The following NCOA2 variants were observed in gnomAD, a reference collection of about 807,000 sequenced individuals.
NCOA2 encodes the protein class E basic helix-loop-helix protein 75.
NCOA2 carries 21 observed loss-of-function variants against 145.1 expected under a neutral mutation model. The ratio of observed to expected loss-of-function variants is 0.14; its 90% CI spans 0.10 to 0.21. The LOEUF is 0.21. NCOA2 is among the 10% of genes least tolerant of loss of function. NCOA2 has a pLI of 1.00. For synonymous variants in NCOA2, 619 were observed against 637.5 expected, an observed-to-expected ratio of 0.97 and a Z score of 0.44; for missense variants, 1,472 against 1,837.6, an observed-to-expected ratio of 0.80 and a Z score of 3.64.
At chr8:70,345,060 T>C (rs777854418) in intron 1 of NCOA2, among the ~76,000 whole-genome samples, 1 of 152,144 alleles carries the variant, frequency 6.6e-6, no homozygotes, top group Non-Finnish European at 1.5e-5. Flanking sequence ...ATGTTAATAG[T>C]TAGGAATGAG....
At chr8:70,419,102 T>TA in the NCOA2 span, among the ~76,000 whole-genome samples, 4,036 of 132,368 alleles carry the variant, frequency 0.03, 115 homozygotes, top group African/African-American at 0.082. Context: ...TAGGATTTTA[T>TA]AAAAAAAAAA....
At chr8:70,344,077 G>A (rs780577448) in intron 1 of NCOA2, among the ~76,000 whole-genome samples, 2 of 152,144 alleles carry the variant, frequency 1.3e-5, no homozygotes, top group African/African-American at 4.8e-5. Flanking sequence ...TTAAACCCGT[G>A]TATTCTAACT....
intron 1 of NCOA2, among the ~76,000 whole-genome samples, chr8:70,313,806 C>A (rs1410843919): frequency 6.6e-6 from 1 of 152,110 alleles, no homozygotes; most frequent in Non-Finnish European, 1.5e-5. Flanking sequence ...CTCCACCATC[C>A]CCCTATTATA....
intron 11 of NCOA2, among the ~76,000 whole-genome samples, chr8:70,153,632 G>A (rs1237829216): frequency 3.3e-5 from 5 of 152,122 alleles, no homozygotes; most frequent in Admixed American, 1.3e-4. Flanking sequence ...TCAAGAGACC[G>A]GAGTGCCATT....
chr8:70,439,327 G>A, the NCOA2 span, among the ~76,000 whole-genome samples: 14 of 152,190 alleles, frequency 9.2e-5, no homozygotes, highest in South Asian at 1.0e-3. Flanking sequence ...AAAGTGTAGC[G>A]GTAGCATTCA....
At chr8:70,123,425 G>A (rs1423656036) in intron 21 of NCOA2, among the ~76,000 whole-genome samples, 1 of 152,174 alleles carries the variant, frequency 6.6e-6, no homozygotes, top group Non-Finnish European at 1.5e-5. Context: ...GGCTGAGGTG[G>A]GAGGACTGCT....
At chr8:70,428,258 A>G in the NCOA2 span, among the ~76,000 whole-genome samples, 1 of 151,792 alleles carries the variant, frequency 6.6e-6, no homozygotes, top group Non-Finnish European at 1.5e-5. Context: ...GTTTGACACC[A>G]GCCAGGAAAC....
At chr8:70,372,198 G>T (rs1811286262) in intron 1 of NCOA2, among the ~76,000 whole-genome samples, 1 of 152,044 alleles carries the variant, frequency 6.6e-6, no homozygotes, top group Non-Finnish European at 1.5e-5. Context: ...AAAATTCCAA[G>T]CAGGTTTTAA....
At chr8:70,435,805 T>C in the NCOA2 span, among the ~76,000 whole-genome samples, 1 of 152,012 alleles carries the variant, frequency 6.6e-6, no homozygotes, top group African/African-American at 2.4e-5. Context: ...GTTCACTTTG[T>C]GTTTAATAAT....
At chr8:70,398,976 T>C (rs1264369584) in intron 1 of NCOA2, among the ~76,000 whole-genome samples, 1 of 152,248 alleles carries the variant, frequency 6.6e-6, no homozygotes, top group Admixed American at 6.5e-5. Context: ...CTTCATAGTT[T>C]ATCCTTAAGA....
chr8:70,365,892 G>A lies in NCOA2; in HGVS notation c.-77+37808C>T, dbSNP rs181439325. On this transcript the variant is annotated intron_variant, in intron 1 of 22. Coordinates refer to ENST00000452400, the MANE Select transcript of NCOA2 (RefSeq NM_006540.4). ...ATTATCACCCAGCAAAACCACAGGT[G>A]CAAGAGAGCCAGGCCCTTAACAATC... Among the ~76,000 whole-genome samples, 365 of 152,294 alleles carry A rather than the reference G, an allele frequency of 2.4e-3. 2 individuals are homozygous for A. Among genetic ancestry groups the A allele is most frequent in the African/African-American group, 8.2e-3 (342 of 41,558 alleles).
rs57813061 is a variant in NCOA2 at position 70,133,200 on chromosome 8, C to CTTTTTTTTTTTTTTTTTTTTTTTTT, written c.3159-1199_3159-1198insAAAAAAAAAAAAAAAAAAAAAAAAA. 4.5e-4 allele frequency among the ~76,000 whole-genome samples: 48 copies of CTTTTTTTTTTTTTTTTTTTTTTTTT among 106,966 alleles called. 3 individuals carry two copies. The highest frequency in any genetic ancestry group is 1.9e-3 in the African/African-American group (47 of 24,854). The allele number at this position is 106,966 out of a possible 152,430, so 70.2% of individuals were successfully genotyped here. ...TGTGTGCCACCACAACTGGCTGCTA[C>CTTTTTTTTTTTTTTTTTTTTTTTTT]TTTTTTTTTTTTTTTTTTTTGGTAA... On this transcript the variant is annotated intron_variant, in intron 15 of 22. Transcript: ENST00000452400.
At chr8:70,136,239 G>A (rs947600869) in intron 15 of NCOA2, among the ~76,000 whole-genome samples, 1 of 151,944 alleles carries the variant, frequency 6.6e-6, no homozygotes, top group African/African-American at 2.4e-5. Flanking sequence ...CTGGGCACCT[G>A]TAATCCCAGC....
intron 4 of NCOA2, among the ~76,000 whole-genome samples, chr8:70,191,873 T>C (rs1449854009): frequency 6.6e-6 from 1 of 152,002 alleles, no homozygotes; most frequent in Non-Finnish European, 1.5e-5. Context: ...AAACCCCATC[T>C]CTACTAAAAA....
intron 2 of NCOA2, among the ~76,000 whole-genome samples, chr8:70,261,319 G>T (rs1824104842): frequency 6.6e-6 from 1 of 152,104 alleles, no homozygotes; most frequent in Non-Finnish European, 1.5e-5. Context: ...GATGAAATTG[G>T]AAATCATCAT....
chr8:70,339,954 G>C (rs61194854), intron 1 of NCOA2, among the ~76,000 whole-genome samples: 2,121 of 152,262 alleles, frequency 0.014, 42 homozygotes, highest in African/African-American at 0.047. Context: ...ATGGATTAAA[G>C]ACTTAAATGT....
At chr8:70,373,079 T>C (rs919317296) in intron 1 of NCOA2, among the ~76,000 whole-genome samples, 11 of 152,222 alleles carry the variant, frequency 7.2e-5, no homozygotes, top group Non-Finnish European at 1.5e-4. Context: ...GGAACATTCA[T>C]GTAAAAAGTC....
At chr8:70,266,478 G>C (rs917320676) in intron 2 of NCOA2, among the ~76,000 whole-genome samples, 1 of 152,102 alleles carries the variant, frequency 6.6e-6, no homozygotes, top group African/African-American at 2.4e-5. Flanking sequence ...GGCTCAAAGC[G>C]GTTATTTCTA....
chr8:70,394,500 T>G (rs922483160), intron 1 of NCOA2, among the ~76,000 whole-genome samples: 6 of 152,242 alleles, frequency 3.9e-5, no homozygotes, highest in African/African-American at 2.4e-5. Flanking sequence ...ATCACACTTG[T>G]ATGAAAAAGC....
Sources: allele counts gnomAD v4.1 joint callset (sites outside exome capture counted in the v4.1 genomes callset), GRCh38; gene constraint gnomAD v4.1.1; transcripts MANE v1.5; gene names NCBI Gene and HGNC (gene_info 2026-07-23, HGNC 2026-07-21).